Variants in ZCWPW2 observed in about 807,000 individuals in gnomAD.
ZCWPW2 encodes the protein zinc finger CW-type PWWP domain protein 2.
In ZCWPW2, 45 loss-of-function variants were observed where a neutral mutation model predicts 46.6. The observed-to-expected ratio is 0.96, with a 90% CI of 0.76 to 1.24. The LOEUF is 1.24. ZCWPW2 is among the 50% of genes most tolerant of loss of function. The pLI, the probability that ZCWPW2 is intolerant of heterozygous loss-of-function variation, is 0.00. For synonymous variants in ZCWPW2, 152 were observed against 137.1 expected (o/e 1.11, Z -0.76); for missense variants, 429 against 403.9 (o/e 1.06, Z -0.53).
At chr3:28,410,748 C>T (rs1170388786) in intron 2 of ZCWPW2, among the ~76,000 whole-genome samples, 1 of 151,552 alleles carries the variant, frequency 6.6e-6, no homozygotes, top group Non-Finnish European at 1.5e-5. Flanking sequence ...AAAATAAGAG[C>T]AACAGAGAAT....
rs900045775 is a variant in ZCWPW2 at position 28,359,210 on chromosome 3, A to T, written c.-134+10007A>T. ...AATTGTTGTGTATTTTAAATTCAGG[A>T]TTTATTAGTAACAGAAATAGGATTT... On this transcript the variant is annotated intron_variant, in intron 1 of 9. Transcript: ENST00000383768. Among the ~76,000 whole-genome samples, 7 of 152,130 alleles carry T rather than the reference A, an allele frequency of 4.6e-5. No individual in the cohort carries two copies. In the South Asian group the frequency reaches 1.4e-3, roughly 31 times the overall value.
chr3:28,382,658 G>A (rs1281195068), intron 1 of ZCWPW2, among the ~76,000 whole-genome samples: 1 of 151,968 alleles, frequency 6.6e-6, no homozygotes, highest in African/African-American at 2.4e-5. Context: ...AAACTCTAAA[G>A]CTTAATCTAG....
rs191467272 is a variant in ZCWPW2, at chr3:28,483,991, T to G, written c.610+5060T>G. Among the ~76,000 whole-genome samples, 242 of 152,254 alleles carry G rather than the reference T, an allele frequency of 1.6e-3. 2 individuals are homozygous for G. Among genetic ancestry groups the G allele is most frequent in the African/African-American group, 5.5e-3 (228 of 41,554 alleles). On this transcript the variant is annotated intron_variant, in intron 5 of 9. Transcript: ENST00000383768. ...TATTTTCATTTATTGTCTTACTGCG[T>G]TATCTAGGCATTCCAGTACAATATT...
At chr3:28,396,188 GA>G (rs1310552433) in intron 2 of ZCWPW2, among the ~76,000 whole-genome samples, 6 of 151,974 alleles carry the variant, frequency 3.9e-5, no homozygotes, top group Non-Finnish European at 8.8e-5. Context: ...TTACAGATAA[GA>G]ACACAGAGGT....
intron 1 of ZCWPW2, among the ~76,000 whole-genome samples, chr3:28,374,357 G>T (rs11921943): frequency 0.47 from 71,030 of 151,896 alleles, 17,341 homozygotes; most frequent in Non-Finnish European, 0.54. Context: ...TATGGGTCTA[G>T]TTTTATGTGG....
chr3:28,349,763 A>G (rs1704464641), intron 1 of ZCWPW2, among the ~76,000 whole-genome samples: 1 of 152,138 alleles, frequency 6.6e-6, no homozygotes. Flanking sequence ...AGAAAATTTA[A>G]CGTCACTAAC....
intron 3 of ZCWPW2, among the ~76,000 whole-genome samples, chr3:28,429,414 A>G: frequency 6.6e-6 from 1 of 152,206 alleles, no homozygotes; most frequent in East Asian, 1.9e-4. Flanking sequence ...TCTAAAAAGC[A>G]TTCAGTTTTA....
chr3:28,385,234 A>G (rs943004578), intron 1 of ZCWPW2, among the ~76,000 whole-genome samples: 1 of 152,186 alleles, frequency 6.6e-6, no homozygotes, highest in Admixed American at 6.5e-5. Context: ...GCTCAAAGGG[A>G]CAGGGGTCAA....
chr3:28,463,209 C>A (rs1369337459), intron 4 of ZCWPW2, among the ~76,000 whole-genome samples: 1 of 152,076 alleles, frequency 6.6e-6, no homozygotes, highest in Non-Finnish European at 1.5e-5. Flanking sequence ...TTATCCTCCA[C>A]TGAAAATTTA....
intron 1 of ZCWPW2, among the ~76,000 whole-genome samples, chr3:28,370,015 A>G (rs1422196366): frequency 6.6e-6 from 1 of 152,226 alleles, no homozygotes; most frequent in Non-Finnish European, 1.5e-5. Context: ...AAAGTGCAGC[A>G]TTAGGGTGGG....
chr3:28,460,766 C>T (rs1032901847), intron 4 of ZCWPW2, among the ~76,000 whole-genome samples: 8 of 152,246 alleles, frequency 5.3e-5, no homozygotes, highest in East Asian at 1.9e-4. Context: ...AGGAAAAGAG[C>T]GATAGCTTTG....
intron 3 of ZCWPW2, among the ~76,000 whole-genome samples, chr3:28,416,879 G>A (rs1186627687): frequency 7.6e-6 from 1 of 131,486 alleles, no homozygotes; most frequent in East Asian, 2.2e-4. Flanking sequence ...CTTGATCATG[G>A]TGGATAAGCT....
intron 2 of ZCWPW2, among the ~76,000 whole-genome samples, chr3:28,408,259 A>AAT (rs1236547742): frequency 3.3e-5 from 5 of 152,180 alleles, no homozygotes; most frequent in Non-Finnish European, 5.9e-5. Context: ...AACATTTTAT[A>AAT]ATAGACTGTC....
intron 5 of ZCWPW2, among the ~76,000 whole-genome samples, chr3:28,479,698 C>G (rs76282546): frequency 0.027 from 4,069 of 152,206 alleles, 162 homozygotes; most frequent in African/African-American, 0.087. Context: ...CTGATAAACC[C>G]CAATGTGTGT....
intron 4 of ZCWPW2, among the ~76,000 whole-genome samples, chr3:28,438,590 C>T (rs1243544471): frequency 1.3e-5 from 2 of 152,064 alleles, no homozygotes; most frequent in Non-Finnish European, 2.9e-5. Flanking sequence ...AAACTTACCA[C>T]ATTATTAGAC....
At chr3:28,401,175 C>T (rs1695912905) in intron 2 of ZCWPW2, among the ~76,000 whole-genome samples, 2 of 149,896 alleles carry the variant, frequency 1.3e-5, no homozygotes, top group Non-Finnish European at 3.0e-5. Context: ...AAGACTCCAT[C>T]TCAAAAAAAA....
At chr3:28,506,120 A>G (rs961908712) in intron 6 of ZCWPW2, among the ~76,000 whole-genome samples, 8 of 147,486 alleles carry the variant, frequency 5.4e-5, no homozygotes, top group Non-Finnish European at 8.9e-5. Flanking sequence ...TATTTAACAA[A>G]TATATATTTT....
chr3:28,464,247 T>C (rs1698743048), intron 4 of ZCWPW2, among the ~76,000 whole-genome samples: 2 of 152,114 alleles, frequency 1.3e-5, no homozygotes, highest in Non-Finnish European at 2.9e-5. Context: ...TGAAGACAGA[T>C]GGTAGCACTG....
intron 1 of ZCWPW2, among the ~76,000 whole-genome samples, chr3:28,382,000 TAAAAATAC>T: frequency 6.6e-6 from 1 of 151,922 alleles, no homozygotes; most frequent in East Asian, 1.9e-4. Context: ...CCATCTCTAC[TAAAAATAC>T]AAAATTAGCT....
Sources: allele counts gnomAD v4.1 joint callset (sites outside exome capture counted in the v4.1 genomes callset), GRCh38; gene constraint gnomAD v4.1.1; transcripts MANE v1.5; gene names NCBI Gene and HGNC (gene_info 2026-07-23, HGNC 2026-07-21).